ERI1: variants seen among roughly 807,000 people sequenced by gnomAD.
ERI1 encodes exoribonuclease 1, also known as 3'-5' exoribonuclease 1.
A neutral mutation model predicts 39.7 loss-of-function variants in ERI1; 39 were observed. That is an observed-to-expected ratio of 0.98 (90% confidence interval 0.76 to 1.28). The LOEUF (loss-of-function observed/expected upper bound fraction) is 1.28, where lower values mean the gene tolerates loss of function less well. Ranked by LOEUF, ERI1 falls within the 50% of genes most tolerant of loss-of-function variation. ERI1 has a pLI of 0.00. For synonymous variants in ERI1, 204 were observed against 149.6 expected, an observed-to-expected ratio of 1.36 and a Z score of -2.65; for missense variants, 581 against 416.9, an observed-to-expected ratio of 1.39 and a Z score of -3.43.
chr8:9,017,206 A>ATTTTTT (rs943607324), intron 4 of ERI1, among the ~76,000 whole-genome samples: 1 of 149,716 alleles, frequency 6.7e-6, no homozygotes, highest in African/African-American at 2.5e-5. Context: ...TGATTGGCTA[A>ATTTTTT]TTTTTTTTTT....
downstream of ERI1, among the ~76,000 whole-genome samples, chr8:9,038,260 A>G (rs1797913315): frequency 1.3e-5 from 2 of 152,186 alleles, no homozygotes; most frequent in African/African-American, 4.8e-5. Context: ...CTAATGTAAT[A>G]CAGTAGTCCC....
intron 3 of ERI1, among the ~76,000 whole-genome samples, chr8:9,066,083 A>G (rs1798866626): frequency 6.6e-6 from 1 of 152,098 alleles, no homozygotes; most frequent in Admixed American, 6.5e-5. Flanking sequence ...CTCTATCTGC[A>G]GTGCCCTGTT....
At chr8:9,009,012 C>G (rs1285354244) in intron 2 of ERI1, 1 of 456,174 alleles carries the variant, frequency 2.2e-6, no homozygotes, top group Non-Finnish European at 4.4e-6. Flanking sequence ...CCTATTTCCC[C>G]GATTCTTTCT....
chr8:9,073,068 C>G (rs1267293897), intron 3 of ERI1, among the ~76,000 whole-genome samples: 1 of 152,222 alleles, frequency 6.6e-6, no homozygotes, highest in South Asian at 2.1e-4. Flanking sequence ...ATTCACCACA[C>G]TCATCAGGGA....
intron 3 of ERI1, among the ~76,000 whole-genome samples, chr8:9,094,505 A>G (rs930451396): frequency 2.0e-5 from 3 of 152,200 alleles, no homozygotes; most frequent in Non-Finnish European, 2.9e-5. Context: ...CTCTGCGCAC[A>G]GGGTAGAGAG....
chr8:9,051,350 G>A (rs1798349910), intron 3 of ERI1, among the ~76,000 whole-genome samples: 1 of 151,778 alleles, frequency 6.6e-6, no homozygotes. Context: ...TCAAATTGGA[G>A]GTGTTTTTAA....
chr8:9,008,899 T>G (rs1405515963), intron 2 of ERI1: 1 of 402,098 alleles, frequency 2.5e-6, no homozygotes, highest in African/African-American at 2.1e-5. Context: ...ATTCTCTTAA[T>G]AGTAGTATTC....
intron 3 of ERI1, among the ~76,000 whole-genome samples, chr8:9,067,856 C>G (rs560638733): frequency 6.6e-6 from 1 of 151,808 alleles, no homozygotes; most frequent in African/African-American, 2.4e-5. Context: ...TTTTTTACCT[C>G]CTTTTCCTTC....
chr8:9,075,488 C>CTTTT (rs564946590), intron 3 of ERI1, among the ~76,000 whole-genome samples: 20,593 of 142,134 alleles, frequency 0.14, 1,587 homozygotes, highest in African/African-American at 0.18. Flanking sequence ...CTGAACATGC[C>CTTTT]TTTTTTTTTT....
intron 3 of ERI1, among the ~76,000 whole-genome samples, chr8:9,085,821 T>C (rs1426780349): frequency 2.0e-5 from 3 of 152,090 alleles, no homozygotes; most frequent in Non-Finnish European, 4.4e-5. Flanking sequence ...AAAATGGTGG[T>C]CTTTCCTTAG....
rs773120911 is a variant in ERI1 at position 9,016,314 on chromosome 8, C to T, written c.499-8C>T. 5.1e-6 allele frequency: 8 copies of T among 1,576,234 alleles called. No individual in the cohort carries two copies. ...AAATTACTTTAACTTGCTATCCTTC[C>T]CTTGCAGGAAGACACGTTTCAGCAG... On this transcript the variant is annotated splice_polypyrimidine_tract_variant and splice_region_variant and intron_variant, in intron 3 of 6. Coordinates refer to ENST00000250263, the MANE Select transcript of ERI1 (RefSeq NM_153332.4).
chr8:9,049,336 C>CAAAAAAAAA (rs3989371), intron 3 of ERI1, among the ~76,000 whole-genome samples: 2 of 33,246 alleles, frequency 6.0e-5, no homozygotes, highest in African/African-American at 1.1e-4. Flanking sequence ...ACTCCGTCTC[C>CAAAAAAAAA]AAAAAAAAAA....
intron 4 of ERI1, among the ~76,000 whole-genome samples, chr8:9,017,270 C>G (rs10087416): frequency 0.3 from 45,396 of 151,780 alleles, 7,287 homozygotes; most frequent in African/African-American, 0.38. Flanking sequence ...TTGAAGAACT[C>G]CTGACGTCAA....
chr8:9,091,095 T>G (rs890203609), intron 3 of ERI1: 8 of 152,204 alleles, frequency 5.3e-5, no homozygotes, highest in Non-Finnish European at 1.2e-4. Flanking sequence ...TTTATTTATG[T>G]GTAAGTTTAA....
intron 3 of ERI1, among the ~76,000 whole-genome samples, chr8:9,041,558 A>G (rs1410569177): frequency 1.3e-5 from 2 of 152,240 alleles, no homozygotes; most frequent in Non-Finnish European, 2.9e-5. Flanking sequence ...AAACACGTGC[A>G]AATTAAACAA....
chr8:9,094,984 C>G (rs563775886), intron 3 of ERI1, among the ~76,000 whole-genome samples: 1 of 151,872 alleles, frequency 6.6e-6, no homozygotes, highest in Non-Finnish European at 1.5e-5. Context: ...CATTATGGCA[C>G]AAAGGAAAGA....
In ERI1 at chr8:9,030,195, GTAGGAAGGCATA is replaced by G. The variant is rs1393226112; in HGVS notation, c.*162_*173del. ...AGATACATGTATGTGAACAGATTTT[GTAGGAAGGCATA>G]CTGAATTCTTTGTCACCAGCACTTT... On this transcript the variant is annotated 3_prime_UTR_variant, in exon 7 of 7. Transcript: ENST00000250263. The G allele has an allele frequency of 9.2e-5, 86 of 938,234 alleles. No individual in the cohort carries two copies. The highest frequency in any genetic ancestry group is 1.1e-4 in the Non-Finnish European group (68 of 646,964). 58.1% of individuals were successfully genotyped at this position (938,234 alleles called of 1,614,324 possible). A position where few individuals can be genotyped will look rare whatever the true frequency, so the allele number is the denominator to read the frequency against.
intron 3 of ERI1, among the ~76,000 whole-genome samples, chr8:9,076,191 A>G (rs1002617235): frequency 3.3e-5 from 5 of 152,054 alleles, no homozygotes; most frequent in Admixed American, 2.6e-4. Context: ...TGGTCCTCCT[A>G]CCTCGGCCTC....
chr8:9,052,508 T>C (rs763432217), intron 3 of ERI1, among the ~76,000 whole-genome samples: 1 of 152,198 alleles, frequency 6.6e-6, no homozygotes, highest in African/African-American at 2.4e-5. Context: ...AGCAGCATTC[T>C]GGGTAAGCAG....
Sources: allele counts gnomAD v4.1 joint callset (sites outside exome capture counted in the v4.1 genomes callset), GRCh38; gene constraint gnomAD v4.1.1; transcripts MANE v1.5; gene names NCBI Gene and HGNC (gene_info 2026-07-23, HGNC 2026-07-21).